Variants in CYP2E1 observed in about 807,000 individuals in gnomAD.
The protein encoded by CYP2E1 is cytochrome P450 2E1.
A neutral mutation model predicts 42.9 loss-of-function variants in CYP2E1; 31 were observed. The observed-to-expected ratio is 0.72, with a 90% CI of 0.54 to 0.98. CYP2E1 has a LOEUF of 0.98. Among genes scored for constraint, CYP2E1 ranks in the 50% least tolerant of loss-of-function variants. The probability of loss-of-function intolerance (pLI) is 0.00; values close to 1 mark genes in which losing one functional copy is unlikely to be tolerated. For synonymous variants in CYP2E1, 244 were observed against 248.9 expected (o/e 0.98, Z 0.19); for missense variants, 565 against 633.2 (o/e 0.89, Z 1.16).
At chr10:133,529,581 T>C (rs1211683368) in intron 2 of CYP2E1, among the ~76,000 whole-genome samples, 1 of 152,272 alleles carries the variant, frequency 6.6e-6, no homozygotes, top group Non-Finnish European at 1.5e-5. Flanking sequence ...CCTATTTATT[T>C]GTCCAGCGTA....
At chr10:133,537,621 A>T in intron 7 of CYP2E1, 130 bp from the exon 8 acceptor site, 1 of 785,714 alleles carries the variant, frequency 1.3e-6, no homozygotes, top group Non-Finnish European at 2.0e-6. Flanking sequence ...TCACTAAGCA[A>T]CTCCTTCAAC....
In CYP2E1 at chr10:133,536,268, G is replaced by C. The variant is rs140530261; in HGVS notation, c.968-795G>C. On this transcript the variant is annotated intron_variant, in intron 6 of 8. Transcript: ENST00000252945. ...AACATCCAGTAAATAACCTCATAGAGCTTAGCTCTCACTAAGTTTTTGGAG... is the reference window on the plus strand; with the variant it reads ...AACATCCAGTAAATAACCTCATAGACCTTAGCTCTCACTAAGTTTTTGGAG... 7.2e-4 allele frequency among the ~76,000 whole-genome samples: 110 copies of C among 152,238 alleles called. 2 individuals are homozygous for C. The highest frequency in any genetic ancestry group is 2.6e-3 in the African/African-American group (109 of 41,540).
rs184159574 is a variant in CYP2E1 at position 133,533,171 on chromosome 10, T to C, written c.825+303T>C. Among the ~76,000 whole-genome samples the C allele has an allele frequency of 1.2e-4, 18 of 152,284 alleles. No individual in the cohort carries two copies. The East Asian group carries it at 3.5e-3, about 29-fold the overall frequency. ...TTGCATTTTGTCTGAGGAGAAGCCC[T>C]CAGCCTTCCTTGTGGGCATGCACTC... is the stretch of plus-strand genomic sequence containing the variant. On this transcript the variant is annotated intron_variant, in intron 5 of 8. Transcript: ENST00000252945.
intron 1 of CYP2E1, chr10:133,528,230 G>GCCGCGGAGTTGT: frequency 2.4e-6 from 1 of 414,844 alleles, no homozygotes; most frequent in Non-Finnish European, 4.4e-6. Flanking sequence ...CCGCGGAGTT[G>GCCGCGGAGTTGT]CCGCGGAGTT....
At chr10:133,530,603 A>G (rs1349953707) in intron 2 of CYP2E1, among the ~76,000 whole-genome samples, 5 of 152,220 alleles carry the variant, frequency 3.3e-5, no homozygotes, top group African/African-American at 1.2e-4. Context: ...AGGAGTGGTC[A>G]GTGGTCAATC....
intron 4 of CYP2E1, 97 bp from the exon 5 acceptor site, chr10:133,532,595 C>A: frequency 8.9e-7 from 1 of 1,124,020 alleles, no homozygotes; most frequent in Non-Finnish European, 1.3e-6. Context: ...ACAATGATTA[C>A]AGCCACAAAT....
intron 6 of CYP2E1, among the ~76,000 whole-genome samples, chr10:133,535,569 C>A (rs544889261): frequency 6.6e-6 from 1 of 152,084 alleles, no homozygotes; most frequent in East Asian, 1.9e-4. Context: ...AGAGAACTTT[C>A]GACTACTCTG....
rs540609626 is a variant in CYP2E1 at position 133,532,828 on chromosome 10, C to T, written c.785C>T (p.Pro262Leu). Residue 262 changes from proline (P) to leucine (L), a missense_variant, in exon 5 of 9, where the codon CCC becomes CTC. By Grantham distance (98) the Pro-to-Leu change is moderately conservative. Coordinates refer to ENST00000252945, the MANE Select transcript of CYP2E1 (RefSeq NM_000773.4). ...EHHQSLDPNC[P>L]RDLTDCLLVE... ...CATCAATCTCTGGACCCCAACTGTC[C>T]CCGGGACCTCACCGACTGCCTGCTC... 1.2e-6 allele frequency: 2 copies of T among 1,611,656 alleles called. No homozygotes were observed. The highest frequency in any genetic ancestry group is 1.3e-5 in the African/African-American group (1 of 74,854).
chr10:133,532,389 C>T (rs1178965282), intron 4 of CYP2E1, 105 bp downstream of exon 4: 1 of 1,133,672 alleles, frequency 8.8e-7, no homozygotes, highest in Non-Finnish European at 1.3e-6. Context: ...AAAAGCCAAA[C>T]AACATAGCTT....
intron 1 of CYP2E1, 157 bp from the exon 2 acceptor site, chr10:133,528,324 G>A (rs1240100101): frequency 2.5e-6 from 2 of 812,260 alleles, no homozygotes; most frequent in Non-Finnish European, 3.8e-6. Flanking sequence ...TTGAGGGGAG[G>A]GTCTCCCCCA....
At chr10:133,536,830 T>A (rs1589956787) in intron 6 of CYP2E1, among the ~76,000 whole-genome samples, 1 of 72,918 alleles carries the variant, frequency 1.4e-5, no homozygotes, top group Non-Finnish European at 2.3e-5. Flanking sequence ...GATGGGTGGG[T>A]GGGTGGATGG....
Position 133,532,739 on chromosome 10 carries a change from C to T in CYP2E1, c.696C>T (p.His232=). The T allele has an allele frequency of 6.2e-7, 1 of 1,612,336 alleles. No individual in the cohort carries two copies. The highest frequency in any genetic ancestry group is 8.5e-7 in the Non-Finnish European group (1 of 1,179,498). The part of the protein sequence containing the change: ...PSFLHYLPGS[H]RKVIKNVAEV... ...TTCTACACTACTTGCCTGGAAGCCA[C>T]AGAAAAGTCATAAAAAATGTGGCTG... Residue 232 remains histidine (H), a synonymous_variant, in exon 5 of 9, where the codon CAC becomes CAT. Transcript: ENST00000252945.
rs374426412 is a variant in CYP2E1 at position 133,528,490 on chromosome 10, C to G, written c.187C>G (p.Arg63Gly). Residue 63 changes from arginine to glycine, a missense_variant, in exon 2 of 9, where the codon CGC becomes GGC. Coordinates refer to ENST00000252945, the MANE Select transcript of CYP2E1 (RefSeq NM_000773.4). ...CCACGGGTCTCCGCAGTTGGCCCAG[C>G]GCTTCGGGCCGGTGTTCACGCTGTA... ...IPKSFTRLAQ[R>G]FGPVFTLYVG... The G allele has an allele frequency of 1.2e-4, 190 of 1,612,882 alleles. No homozygotes were observed. The highest frequency in any genetic ancestry group is 1.6e-4 in the Non-Finnish European group (186 of 1,179,882).
intron 6 of CYP2E1, 60 bp downstream of exon 6, chr10:133,533,957 T>G: frequency 2.5e-6 from 4 of 1,582,694 alleles, no homozygotes; most frequent in Non-Finnish European, 3.5e-6. Context: ...ATGGCCAGCC[T>G]TGCACATTTT....
intron 6 of CYP2E1, 150 bp downstream of exon 6, chr10:133,534,047 G>T: frequency 2.3e-6 from 2 of 885,150 alleles, no homozygotes; most frequent in South Asian, 3.3e-5. Flanking sequence ...TGCTGTGAGG[G>T]GAGGTGTTAT....
At chr10:133,528,428 C>T in intron 1 of CYP2E1, 53 bp from the exon 2 acceptor site, 1 of 1,602,186 alleles carries the variant, frequency 6.2e-7, no homozygotes. Flanking sequence ...GCTTAGAGCC[C>T]CGCACCTCCT....
Position 133,537,241 on chromosome 10 carries a change from C to T in CYP2E1, c.1146C>T (p.Leu382=). The T allele has an allele frequency of 6.2e-7, 1 of 1,613,778 alleles. No individual in the cohort carries two copies. Among genetic ancestry groups the T allele is most frequent in the Non-Finnish European group, 8.5e-7 (1 of 1,179,794 alleles). ...ATRDTIFRGY[L]IPKGTVVVPT... is the part of the protein sequence containing the mutation. ...GAGACACCATTTTCAGAGGATACCT[C>T]ATCCCCAAGGTTAAGCAATGAGCCT... Residue 382 remains leucine, a synonymous_variant, in exon 7 of 9, where the codon CTC becomes CTT. Transcript: ENST00000252945.
Position 133,531,672 on chromosome 10 carries a change from G to C in CYP2E1, c.425G>C (p.Gly142Ala), listed in dbSNP as rs1311765376. 1 of 1,613,416 alleles carries C rather than the reference G, an allele frequency of 6.2e-7. No homozygotes were observed. Among genetic ancestry groups the C allele is most frequent in the South Asian group, 1.1e-5 (1 of 90,984 alleles). The stretch of plus-strand genomic sequence containing the variant: ...CGGAACTATGGGATGGGGAAACAGG[G>C]CAATGAGAGCCGGATCCAGAGGGAG... ...TLRNYGMGKQGNESRIQREAH... is the reference protein window; with the variant it reads ...TLRNYGMGKQANESRIQREAH... The change falls in exon 3 of 9, where the codon GGC becomes GCC. Residue 142 changes from glycine (G) to alanine (A), a missense_variant. By Grantham distance (60) the Gly-to-Ala change is moderately conservative (BLOSUM62 0). Transcript: ENST00000252945.
chr10:133,534,090 C>T (rs1447373496), intron 6 of CYP2E1, among the ~76,000 whole-genome samples, 193 bp downstream of exon 6: 1 of 152,122 alleles, frequency 6.6e-6, no homozygotes, highest in Non-Finnish European at 1.5e-5. Flanking sequence ...CTCTTGCACA[C>T]TGGTTGGTCC....
Sources: gnomAD v4.1 joint callset for allele counts (sites outside exome capture counted in the v4.1 genomes callset) on GRCh38, gnomAD v4.1.1 for gene constraint, MANE v1.5 for transcripts, NCBI Gene and HGNC (gene_info 2026-07-23, HGNC 2026-07-21) for gene names.